LOXHD1: variants seen among roughly 807,000 people sequenced by gnomAD.
LOXHD1 encodes lipoxygenase homology PLAT domains 1.
Under a neutral mutation model 248.2 loss-of-function variants are expected in LOXHD1, and 205 were observed. The ratio of observed to expected loss-of-function variants is 0.83; its 90% confidence interval spans 0.74 to 0.93. The LOEUF (loss-of-function observed/expected upper bound fraction) is 0.93, where lower values mean the gene tolerates loss of function less well. Ranked by LOEUF, LOXHD1 falls within the 40% of genes least tolerant of loss-of-function variation. The probability of loss-of-function intolerance (pLI) is 0.00; values close to 1 mark genes in which losing one functional copy is unlikely to be tolerated. For synonymous variants in LOXHD1, 1,113 were observed against 1,162.8 expected, an observed-to-expected ratio of 0.96 and a Z score of 0.87; for missense variants, 2,930 against 2,971.6, an observed-to-expected ratio of 0.99 and a Z score of 0.33.
intron 18 of LOXHD1, 120 bp from the exon 19 acceptor site, chr18:46,560,665 G>T (rs1045213915): frequency 3.6e-5 from 33 of 922,776 alleles, no homozygotes; most frequent in Non-Finnish European, 4.8e-6. Flanking sequence ...GGATGGAGAG[G>T]GCTGGGGCCT....
chr18:46,610,649 G>T, intron 6 of LOXHD1, 127 bp downstream of exon 6: 1 of 1,098,754 alleles, frequency 9.1e-7, no homozygotes, highest in Non-Finnish European at 1.3e-6. Context: ...TGGCCATCTG[G>T]CTTAGGTAGA....
chr18:46,561,918 C>G (rs2144026783), intron 18 of LOXHD1, among the ~76,000 whole-genome samples: 2 of 152,324 alleles, frequency 1.3e-5, no homozygotes, highest in East Asian at 3.9e-4. Context: ...CCACTGGCCT[C>G]CCTCACATCT....
intron 14 of LOXHD1, 145 bp downstream of exon 14, chr18:46,577,562 C>T (rs979060747): frequency 2.4e-6 from 2 of 849,872 alleles, no homozygotes; most frequent in Non-Finnish European, 3.6e-6. Flanking sequence ...CTAAGCACCA[C>T]CAGCGAGGTC....
In LOXHD1 at chr18:46,610,852, G is replaced by T. The variant is rs372408513; in HGVS notation, c.683C>A (p.Pro228Gln). The T allele has an allele frequency of 2.6e-6, 4 of 1,551,588 alleles. No homozygotes were observed. The highest frequency in any genetic ancestry group is 3.5e-6 in the Non-Finnish European group (4 of 1,147,010). Residue 228 changes from proline (P) to glutamine (Q), a missense_variant, in exon 6 of 41, where the codon CCG becomes CAG. Physicochemically the swap from Pro to Gln is moderately conservative, Grantham distance 76. Coordinates refer to ENST00000642948, the MANE Select transcript of LOXHD1 (RefSeq NM_001384474.1). The part of the protein sequence containing the change: ...GAEDRFILDA[P>Q]DLGQLMKINV... Reference sequence around the variant, plus strand: ...GATCTTCATCAGCTGCCCCAAATCCGGGGCATCCAGGATGAACCTGTCTTC... The same window carrying T: ...GATCTTCATCAGCTGCCCCAAATCCTGGGCATCCAGGATGAACCTGTCTTC...
intron 9 of LOXHD1, 81 bp from the exon 10 acceptor site, chr18:46,593,841 C>A (rs754941870): frequency 6.1e-6 from 9 of 1,465,648 alleles, no homozygotes; most frequent in Middle Eastern, 1.7e-4. Flanking sequence ...AGGAAAAATC[C>A]AAAATGATCA....
At chr18:46,642,970 G>T (rs1381868263) in intron 2 of LOXHD1, among the ~76,000 whole-genome samples, 2 of 152,222 alleles carry the variant, frequency 1.3e-5, no homozygotes, top group African/African-American at 4.8e-5. Context: ...CATAGAAGAT[G>T]TGTGCCATCA....
intron 14 of LOXHD1, among the ~76,000 whole-genome samples, chr18:46,575,980 G>A (rs2037846692): frequency 3.3e-5 from 5 of 152,098 alleles, no homozygotes; most frequent in Admixed American, 2.6e-4. Context: ...TTCCCCTGGT[G>A]CTCTCCTCTT....
intron 26 of LOXHD1, among the ~76,000 whole-genome samples, chr18:46,536,648 G>A (rs1337929788): frequency 1.3e-5 from 2 of 152,210 alleles, no homozygotes; most frequent in Non-Finnish European, 2.9e-5. Flanking sequence ...GATGACTCAC[G>A]CACCATGACA....
At chr18:46,590,684 A>G (rs1373361964) in intron 12 of LOXHD1, among the ~76,000 whole-genome samples, 3 of 152,174 alleles carry the variant, frequency 2.0e-5, no homozygotes, top group African/African-American at 4.8e-5. Flanking sequence ...CTTGTTCCCA[A>G]GGCAGTTATT....
intron 8 of LOXHD1, among the ~76,000 whole-genome samples, chr18:46,598,374 A>G (rs2038288861): frequency 6.6e-6 from 1 of 152,174 alleles, no homozygotes; most frequent in Non-Finnish European, 1.5e-5. Context: ...ATAAAATATT[A>G]GAAGCAGCTC....
chr18:46,507,560 TG>T lies in LOXHD1; in HGVS notation c.5669del (p.Ala1890GlufsTer32). 1 of 1,551,696 alleles carries T rather than the reference TG, an allele frequency of 6.4e-7. No homozygotes were observed. Among genetic ancestry groups the T allele is most frequent in the South Asian group, 1.2e-5 (1 of 84,058 alleles). ...EMMEWTSYTV[A>X]VKTSDILGAG... Reference sequence around the variant, plus strand: ...CACCCAGGATGTCGCTGGTCTTAACTGCGACGGTGTAGGAGGTCCACTCCAT... The same window carrying T: ...CACCCAGGATGTCGCTGGTCTTAACTCGACGGTGTAGGAGGTCCACTCCAT... On this transcript the variant is annotated frameshift_variant, in exon 36 of 41. Transcript: ENST00000642948. LOFTEE classifies it high-confidence loss of function.
At chr18:46,486,841 T>G (rs1334374998) in intron 38 of LOXHD1, among the ~76,000 whole-genome samples, 1 of 152,194 alleles carries the variant, frequency 6.6e-6, no homozygotes, top group Non-Finnish European at 1.5e-5. Context: ...AAGCAAGGTT[T>G]GTAAGCAAGG....
chr18:46,515,297 T>C (rs921132308), intron 34 of LOXHD1, among the ~76,000 whole-genome samples: 2 of 152,178 alleles, frequency 1.3e-5, no homozygotes, highest in African/African-American at 4.8e-5. Flanking sequence ...TTTCTATCTA[T>C]CTTCCTAGTC....
chr18:46,561,736 C>G (rs1181435501), intron 18 of LOXHD1, among the ~76,000 whole-genome samples: 1 of 152,202 alleles, frequency 6.6e-6, no homozygotes, highest in Non-Finnish European at 1.5e-5. Context: ...AATTACCAGT[C>G]ATGGTAGAGC....
chr18:46,521,500 G>A (rs1238749845), intron 32 of LOXHD1, among the ~76,000 whole-genome samples: 1 of 152,168 alleles, frequency 6.6e-6, no homozygotes, highest in Non-Finnish European at 1.5e-5. Context: ...CCTTAAAAAA[G>A]CATATCTAGA....
At chr18:46,566,725 GT>G (rs1172180022) in intron 16 of LOXHD1, among the ~76,000 whole-genome samples, 2 of 152,162 alleles carry the variant, frequency 1.3e-5, no homozygotes, top group Non-Finnish European at 2.9e-5. Context: ...GGGAGTGGAG[GT>G]GACACAAAAT....
chr18:46,501,268 G>A (rs1007492647), intron 37 of LOXHD1, among the ~76,000 whole-genome samples: 3 of 152,204 alleles, frequency 2.0e-5, no homozygotes, highest in Admixed American at 6.5e-5. Context: ...TGCCATGCAC[G>A]TTCTCAGATG....
In LOXHD1 at chr18:46,485,261, G is replaced by A. The variant is rs1278604756; in HGVS notation, c.6050-110C>T. On this transcript the variant is annotated intron_variant, in intron 38 of 40. Coordinates refer to ENST00000642948, the MANE Select transcript of LOXHD1 (RefSeq NM_001384474.1). ...GTCCTTCATTTGATCTTAGGCTGCA[G>A]CCTGGGGGTGGGGGAGGCAGGTTAA... The A allele has an allele frequency of 8.5e-6, 11 of 1,289,306 alleles. No homozygotes were observed. In the East Asian group the frequency reaches 2.3e-4, roughly 27 times the overall value. 79.9% of individuals were successfully genotyped at this position (1,289,306 alleles called of 1,614,324 possible). A position where few individuals can be genotyped will look rare whatever the true frequency, so the allele number is the denominator to read the frequency against.
intron 6 of LOXHD1, among the ~76,000 whole-genome samples, 177 bp downstream of exon 6, chr18:46,610,599 G>A (rs187240188): frequency 7.9e-5 from 12 of 152,294 alleles, no homozygotes; most frequent in Non-Finnish European, 1.3e-4. Context: ...AGATGGTAAC[G>A]TGGATGAAGT....
Sources: allele counts gnomAD v4.1 joint callset (sites outside exome capture counted in the v4.1 genomes callset), GRCh38; gene constraint gnomAD v4.1.1; transcripts MANE v1.5; gene names NCBI Gene and HGNC (gene_info 2026-07-23, HGNC 2026-07-21).